LRP1B: variants seen among roughly 807,000 people sequenced by gnomAD.
LRP1B encodes the protein low-density lipoprotein receptor-related protein 1B.
Under a neutral mutation model 556.6 loss-of-function variants are expected in LRP1B, and 217 were observed. The ratio of observed to expected loss-of-function variants is 0.39; its 90% CI spans 0.35 to 0.44. The LOEUF is 0.44. Among genes scored for constraint, LRP1B ranks in the 20% least tolerant of loss-of-function variants. The pLI is 1.00. For missense variants in LRP1B, 5,053 were observed against 5,620.8 expected, an observed-to-expected ratio of 0.90 and a Z score of 3.23; for synonymous variants, 2,047 against 1,865.8, an observed-to-expected ratio of 1.10 and a Z score of -2.50.
At chr2:141,988,794 C>T (rs929901548) in intron 1 of LRP1B, among the ~76,000 whole-genome samples, 3 of 152,008 alleles carry the variant, frequency 2.0e-5, no homozygotes, top group African/African-American at 7.2e-5. Flanking sequence ...AAAATAATCT[C>T]TTAAAATAAC....
chr2:141,452,841 C>T (rs760775135), intron 3 of LRP1B, among the ~76,000 whole-genome samples: 2 of 152,152 alleles, frequency 1.3e-5, no homozygotes, highest in Non-Finnish European at 2.9e-5. Flanking sequence ...CTTGTACCTC[C>T]TGGATGTAAC....
chr2:141,920,377 G>T (rs1700154021), intron 1 of LRP1B, among the ~76,000 whole-genome samples: 1 of 151,614 alleles, frequency 6.6e-6, no homozygotes, highest in African/African-American at 2.4e-5. Flanking sequence ...ACGATGGAAA[G>T]GAAACAATCT....
At chr2:140,313,317 T>C (rs1343968846) in intron 83 of LRP1B, among the ~76,000 whole-genome samples, 1 of 151,882 alleles carries the variant, frequency 6.6e-6, no homozygotes, top group Non-Finnish European at 1.5e-5. Context: ...CAGGATACAA[T>C]TGTGTGCACA....
intron 86 of LRP1B, among the ~76,000 whole-genome samples, chr2:140,262,774 GGTGATTTAC>G (rs1162172703): frequency 3.9e-5 from 6 of 152,064 alleles, no homozygotes; most frequent in Non-Finnish European, 8.8e-5. Context: ...CCCAAGCACT[GGTGATTTAC>G]ATCCAGGAGA....
intron 1 of LRP1B, among the ~76,000 whole-genome samples, chr2:141,819,111 C>T (rs1297796007): frequency 0.025 from 1 of 40 alleles, no homozygotes; most frequent in Non-Finnish European, 0.045. Flanking sequence ...TGGTGGTGCA[C>T]ACCTGTATCC....
intron 6 of LRP1B, among the ~76,000 whole-genome samples, chr2:141,227,457 T>C (rs1179888107): frequency 6.6e-6 from 1 of 152,178 alleles, no homozygotes; most frequent in Non-Finnish European, 1.5e-5. Context: ...AAATAATCCT[T>C]ATTACTTACA....
chr2:140,956,847 T>G (rs898010426), intron 18 of LRP1B, among the ~76,000 whole-genome samples: 1 of 151,774 alleles, frequency 6.6e-6, no homozygotes, highest in African/African-American at 2.4e-5. Context: ...CTAACATCTC[T>G]GAACAGAGGT....
At chr2:140,672,240 C>A (rs906360521) in intron 41 of LRP1B, among the ~76,000 whole-genome samples, 3 of 152,102 alleles carry the variant, frequency 2.0e-5, no homozygotes, top group Admixed American at 1.3e-4. Context: ...GTAATCCCAG[C>A]ACTTTGGGAG....
chr2:141,088,706 G>C (rs1440233995), intron 7 of LRP1B, among the ~76,000 whole-genome samples: 2 of 152,164 alleles, frequency 1.3e-5, no homozygotes, highest in Admixed American at 6.5e-5. Flanking sequence ...GAAACTGCAA[G>C]GTAAATCGAA....
intron 1 of LRP1B, among the ~76,000 whole-genome samples, chr2:141,968,024 C>A (rs1164180682): frequency 6.6e-6 from 1 of 151,730 alleles, no homozygotes; most frequent in Admixed American, 6.6e-5. Flanking sequence ...CAGTTAATTA[C>A]CCTGTCAGTC....
intron 1 of LRP1B, among the ~76,000 whole-genome samples, chr2:141,866,805 A>G (rs1898015): frequency 0.99 from 150,677 of 151,594 alleles, 74,887 homozygotes; most frequent in Middle Eastern, 1. Flanking sequence ...AGAAGGGGAG[A>G]GGAGGAGAGA....
chr2:140,447,771 G>A (rs1686725445), intron 63 of LRP1B, among the ~76,000 whole-genome samples: 2 of 151,988 alleles, frequency 1.3e-5, no homozygotes, highest in African/African-American at 2.4e-5. Context: ...ATAATTTCTA[G>A]CTTTTGATTT....
Position 141,890,323 on chromosome 2 carries a change from C to CATATATATATAT in LRP1B, c.83-79934_83-79923dup, listed in dbSNP as rs556472129. On this transcript the variant is annotated intron_variant, in intron 1 of 90. Transcript: ENST00000389484. The stretch of plus-strand genomic sequence containing the variant: ...GGCTGTCACAGGTAAGGGCACAATA[C>CATATATATATAT]ATATATATATATATATATATATATA... 3.1e-3 allele frequency among the ~76,000 whole-genome samples: 257 copies of CATATATATATAT among 83,766 alleles called. 1 individual carries two copies. The highest frequency in any genetic ancestry group is 4.8e-3 in the African/African-American group (110 of 22,828). The allele number at this position is 83,766 out of a possible 152,430, so 55.0% of individuals were successfully genotyped here. A position where few individuals can be genotyped will look rare whatever the true frequency, so the allele number is the denominator to read the frequency against.
chr2:142,062,629 CA>C (rs1704963411), intron 1 of LRP1B, among the ~76,000 whole-genome samples: 1 of 151,606 alleles, frequency 6.6e-6, no homozygotes, highest in Admixed American at 6.6e-5. Flanking sequence ...ATTACTATAA[CA>C]AAATTTTGAC....
intron 3 of LRP1B, among the ~76,000 whole-genome samples, chr2:141,372,126 GT>G (rs977324642): frequency 2.0e-5 from 3 of 151,880 alleles, no homozygotes; most frequent in Non-Finnish European, 4.4e-5. Flanking sequence ...TGATCATATA[GT>G]TTTTTTCATG....
At chr2:141,041,167 C>T (rs1698686252) in intron 11 of LRP1B, among the ~76,000 whole-genome samples, 1 of 152,032 alleles carries the variant, frequency 6.6e-6, no homozygotes, top group African/African-American at 2.4e-5. Context: ...TGCACCTACT[C>T]CTTATGTCAA....
chr2:141,201,640 G>A (rs975433685), intron 6 of LRP1B, among the ~76,000 whole-genome samples: 6 of 151,792 alleles, frequency 4.0e-5, no homozygotes, highest in Non-Finnish European at 7.4e-5. Flanking sequence ...TAACATTATT[G>A]TACTTTTTTA....
At chr2:140,402,614 G>C (rs997959269) in intron 66 of LRP1B, among the ~76,000 whole-genome samples, 2 of 152,138 alleles carry the variant, frequency 1.3e-5, no homozygotes, top group Admixed American at 6.5e-5. Flanking sequence ...GTGAGTCTGG[G>C]AGGTGGATAG....
intron 77 of LRP1B, among the ~76,000 whole-genome samples, chr2:140,343,141 GA>G (rs1476656310): frequency 1.3e-5 from 2 of 151,494 alleles, no homozygotes; most frequent in Admixed American, 1.3e-4. Context: ...ACCCTTGGAA[GA>G]AGCAGAATTT....
Sources: allele counts gnomAD v4.1 joint callset (sites outside exome capture counted in the v4.1 genomes callset), GRCh38; gene constraint gnomAD v4.1.1; transcripts MANE v1.5; gene names NCBI Gene and HGNC (gene_info 2026-07-23, HGNC 2026-07-21).